MTCH2: variants seen among roughly 807,000 people sequenced by gnomAD.
MTCH2 encodes the protein mitochondrial carrier 2.
MTCH2 carries 25 observed loss-of-function variants against 50.6 expected under a neutral mutation model. The observed-to-expected ratio is 0.49, with a 90% CI of 0.36 to 0.69. MTCH2 has a LOEUF of 0.69. Ranked by LOEUF, MTCH2 falls within the 30% of genes least tolerant of loss-of-function variation. MTCH2 has a pLI of 0.00. For missense variants in MTCH2, 273 were observed against 384.4 expected (o/e 0.71, Z 2.42); for synonymous variants, 106 against 132.0 (o/e 0.80, Z 1.35).
the MTCH2 span, among the ~76,000 whole-genome samples, chr11:47,607,462 A>AAACAG: frequency 6.6e-6 from 1 of 152,196 alleles, no homozygotes; most frequent in Non-Finnish European, 1.5e-5. Context: ...GGAGGACAGG[A>AAACAG]AACAGAACAG....
chr11:47,631,776 A>C (rs2097303324), intron 5 of MTCH2, 65 bp from the exon 6 acceptor site: 1 of 1,544,254 alleles, frequency 6.5e-7, no homozygotes, highest in East Asian at 2.2e-5. Context: ...TGTGAGAAGG[A>C]ATGTGGGTGG....
the MTCH2 span, among the ~76,000 whole-genome samples, chr11:47,605,181 G>C: frequency 2.6e-5 from 4 of 152,086 alleles, no homozygotes; most frequent in Non-Finnish European, 5.9e-5. Context: ...GCCCGCCTCG[G>C]CCTCCCAAAG....
chr11:47,634,780 T>TG (rs752430650), intron 4 of MTCH2, 46 bp from the exon 5 acceptor site: 20 of 1,429,452 alleles, frequency 1.4e-5, no homozygotes, highest in Non-Finnish European at 1.7e-5. Context: ...TTTTTTTTTT[T>TG]TTTTTTTTTT....
chr11:47,624,657 G>T (rs1230393930), intron 11 of MTCH2, among the ~76,000 whole-genome samples: 1 of 152,116 alleles, frequency 6.6e-6, no homozygotes, highest in East Asian at 1.9e-4. Context: ...AATTAGCCAG[G>T]CATGGTGGCA....
chr11:47,636,138 A>G (rs1403066219), intron 3 of MTCH2, among the ~76,000 whole-genome samples: 1 of 151,850 alleles, frequency 6.6e-6, no homozygotes, highest in African/African-American at 2.4e-5. Flanking sequence ...AAGAAAAAAA[A>G]AAAGAAAAGG....
the MTCH2 span, among the ~76,000 whole-genome samples, chr11:47,604,552 C>A: frequency 6.6e-6 from 1 of 152,160 alleles, no homozygotes; most frequent in Non-Finnish European, 1.5e-5. Context: ...TTCATTTTAG[C>A]ATGGCTTGTA....
intron 3 of MTCH2, among the ~76,000 whole-genome samples, chr11:47,638,443 G>C (rs1299455500): frequency 1.5e-5 from 2 of 131,228 alleles, no homozygotes; most frequent in Non-Finnish European, 3.2e-5. Flanking sequence ...TAGCTACTCA[G>C]GCTGAGGCAG....
Position 47,635,671 on chromosome 11 carries a change from G to GTTTT in MTCH2, c.280-104_280-101dup, listed in dbSNP as rs1217122156. 4.5e-6 allele frequency: 5 copies of GTTTT among 1,104,798 alleles called. No individual in the cohort carries two copies. In the African/African-American group the frequency reaches 6.4e-5, roughly 14 times the overall value. 68.4% of individuals were successfully genotyped at this position (1,104,798 alleles called of 1,614,324 possible). On this transcript the variant is annotated intron_variant, in intron 3 of 12. Transcript: ENST00000302503. Reference sequence around the variant, plus strand: ...ACTGACAGAAAGTAAATTAGCTGAAGTTTTTTTTAAAGTTTTTGTTTTTTT... The same window carrying GTTTT: ...ACTGACAGAAAGTAAATTAGCTGAAGTTTTTTTTTTTTAAAGTTTTTGTTTTTTT...
At chr11:47,640,213 C>A (rs1354855744) in intron 1 of MTCH2, among the ~76,000 whole-genome samples, 1 of 151,846 alleles carries the variant, frequency 6.6e-6, no homozygotes, top group Non-Finnish European at 1.5e-5. Flanking sequence ...CCTGTAATCC[C>A]AGCTACTCAA....
chr11:47,620,564 G>A (rs2097292391), intron 12 of MTCH2, among the ~76,000 whole-genome samples: 1 of 151,548 alleles, frequency 6.6e-6, no homozygotes, highest in Non-Finnish European at 1.5e-5. Context: ...TGAGGTAGGA[G>A]GATTGCTTTA....
intron 5 of MTCH2, 44 bp from the exon 6 acceptor site, chr11:47,631,755 A>C: frequency 6.2e-7 from 1 of 1,602,020 alleles, no homozygotes; most frequent in Non-Finnish European, 8.6e-7. Flanking sequence ...AACAAATGAC[A>C]CTCAAATGCC....
the MTCH2 span, among the ~76,000 whole-genome samples, chr11:47,611,011 G>A: frequency 4.0e-3 from 608 of 152,306 alleles, 1 homozygote; most frequent in African/African-American, 0.014. Flanking sequence ...TGTTAAAAGA[G>A]CTTCAACGAA....
chr11:47,606,258 G>A, the MTCH2 span, among the ~76,000 whole-genome samples: 1 of 152,094 alleles, frequency 6.6e-6, no homozygotes, highest in Non-Finnish European at 1.5e-5. Context: ...GCTTTTCCTC[G>A]GGGGAGAAAG....
chr11:47,624,254 A>C (rs2097296009), intron 11 of MTCH2, among the ~76,000 whole-genome samples: 1 of 151,752 alleles, frequency 6.6e-6, no homozygotes, highest in Non-Finnish European at 1.5e-5. Flanking sequence ...AAAAAGGCAA[A>C]ATTTTGCCCA....
At chr11:47,629,686 T>A (rs1294889787) in intron 8 of MTCH2, among the ~76,000 whole-genome samples, 1 of 151,882 alleles carries the variant, frequency 6.6e-6, no homozygotes, top group African/African-American at 2.4e-5. Context: ...TAATTATAGC[T>A]GTCCTGCCTA....
At chr11:47,628,860 G>A in intron 9 of MTCH2, 93 bp downstream of exon 9, 1 of 1,143,656 alleles carries the variant, frequency 8.7e-7, no homozygotes, top group Non-Finnish European at 1.3e-6. Context: ...TTACAGGTGT[G>A]AGCCACCTCG....
In MTCH2 at chr11:47,640,681, G is replaced by A. The variant is rs542794254; in HGVS notation, c.88-1630C>T. ...ACCGCCTGTTTCAGGCTCCCAAAGT[G>A]TTGGGATTTACAGGCGTGAGCCACC... On this transcript the variant is annotated intron_variant, in intron 1 of 12. Transcript: ENST00000302503. Among the ~76,000 whole-genome samples, 233 of 152,278 alleles carry A rather than the reference G, an allele frequency of 1.5e-3. 2 individuals carry two copies. The South Asian group carries it at 0.022, about 14-fold the overall frequency.
At chr11:47,612,512 C>T (rs1213671366), downstream of MTCH2, among the ~76,000 whole-genome samples, 1 of 151,502 alleles carries the variant, frequency 6.6e-6, no homozygotes, top group Non-Finnish European at 1.5e-5. Context: ...TGCGGTGAGC[C>T]GAGATCGTGC....
chr11:47,634,727 C>T lies in MTCH2; in HGVS notation c.314G>A (p.Gly105Glu). 1 of 1,595,318 alleles carries T rather than the reference C, an allele frequency of 6.3e-7. No homozygotes were observed. Residue 105 changes from glycine to glutamate, a missense_variant, in exon 5 of 13, where the codon GGA (glycine) becomes GAA (glutamate). Around this residue, in one of 2 missense-constraint regions of MTCH2, gnomAD observed 203 missense variants for 244.3 expected, o/e 0.83. Coordinates refer to ENST00000302503, the MANE Select transcript of MTCH2 (RefSeq NM_014342.4). ...YQESDKGEEL[G>E]PGNVQKEVSS... Reference sequence around the variant, plus strand: ...GACTTCTTTCTGTACATTTCCAGGTCCTAACTCCTGGAAATCAAAATCAAA... The same window carrying T: ...GACTTCTTTCTGTACATTTCCAGGTTCTAACTCCTGGAAATCAAAATCAAA...
Sources: allele counts gnomAD v4.1 joint callset (sites outside exome capture counted in the v4.1 genomes callset), GRCh38; gene constraint gnomAD v4.1.1; regional missense constraint gnomAD v4.1.1; transcripts MANE v1.5; gene names NCBI Gene and HGNC (gene_info 2026-07-23, HGNC 2026-07-21).